ATP2C1: variants seen among roughly 807,000 people sequenced by gnomAD.
ATP2C1 encodes the protein calcium-transporting ATPase type 2C member 1.
ATP2C1 carries 31 observed loss-of-function variants against 120.5 expected under a neutral mutation model. The observed-to-expected ratio is 0.26, with a 90% CI of 0.19 to 0.35. The LOEUF (loss-of-function observed/expected upper bound fraction) is 0.35, where lower values mean the gene tolerates loss of function less well. Ranked by LOEUF, ATP2C1 falls within the 10% of genes least tolerant of loss-of-function variation. The pLI is 1.00. For synonymous variants in ATP2C1, 351 were observed against 358.7 expected (o/e 0.98, Z 0.24); for missense variants, 731 against 1,107.5 (o/e 0.66, Z 4.83).
chr3:130,974,566 A>G (rs918231015), intron 17 of ATP2C1, among the ~76,000 whole-genome samples: 4 of 152,204 alleles, frequency 2.6e-5, no homozygotes, highest in African/African-American at 4.8e-5. Flanking sequence ...GTGAACTGCT[A>G]TAGTCATTAC....
intron 24 of ATP2C1, 63 bp from the exon 25 acceptor site, chr3:130,997,543 G>T: frequency 6.7e-7 from 1 of 1,495,492 alleles, no homozygotes; most frequent in East Asian, 2.3e-5. Context: ...TAGTGAGGTT[G>T]TGAAAGTAAC....
intron 20 of ATP2C1, among the ~76,000 whole-genome samples, chr3:130,988,479 TG>T (rs1398002276): frequency 6.6e-6 from 1 of 152,196 alleles, no homozygotes; most frequent in East Asian, 1.9e-4. Context: ...AATACCCAAC[TG>T]TCACAACTGG....
intron 17 of ATP2C1, among the ~76,000 whole-genome samples, chr3:130,972,520 T>C (rs1246889537): frequency 6.6e-6 from 1 of 151,024 alleles, no homozygotes; most frequent in East Asian, 1.9e-4. Flanking sequence ...ATGTGCACAA[T>C]GTGCCGGTTA....
chr3:130,959,486 T>C, intron 12 of ATP2C1, 145 bp downstream of exon 12: 1 of 539,546 alleles, frequency 1.9e-6, no homozygotes, highest in Non-Finnish European at 3.4e-6. Flanking sequence ...AGAAGTCATA[T>C]ATTAAAATTA....
At chr3:130,857,231 A>G (rs2067870316) in intron 1 of ATP2C1, among the ~76,000 whole-genome samples, 1 of 152,258 alleles carries the variant, frequency 6.6e-6, no homozygotes, top group African/African-American at 2.4e-5. Flanking sequence ...GGTTTTTCAC[A>G]TTATCTACAA....
intron 12 of ATP2C1, 76 bp from the exon 13 acceptor site, chr3:130,963,895 A>G (rs1380456367): frequency 1.3e-6 from 2 of 1,585,270 alleles, no homozygotes; most frequent in African/African-American, 2.7e-5. Flanking sequence ...ATTAAGCTTT[A>G]AGTAACATCC....
chr3:130,965,489 T>G (rs1356664648), intron 14 of ATP2C1, among the ~76,000 whole-genome samples: 1 of 152,076 alleles, frequency 6.6e-6, no homozygotes, highest in Non-Finnish European at 1.5e-5. Flanking sequence ...CTCCATAAAT[T>G]AAGGTACTCC....
chr3:130,984,189 C>T (rs1429931124), intron 20 of ATP2C1, among the ~76,000 whole-genome samples: 1 of 152,122 alleles, frequency 6.6e-6, no homozygotes, highest in Non-Finnish European at 1.5e-5. Flanking sequence ...GAACTGGAAT[C>T]CAGGTCTGTA....
chr3:130,970,401 CACACA>C (rs2061251872), intron 17 of ATP2C1, among the ~76,000 whole-genome samples: 1 of 150,152 alleles, frequency 6.7e-6, no homozygotes, highest in Non-Finnish European at 1.5e-5. Flanking sequence ...CACACACACA[CACACA>C]CCCTTAAACT....
intron 8 of ATP2C1, among the ~76,000 whole-genome samples, chr3:130,949,267 C>A (rs1466613569): frequency 1.3e-5 from 2 of 152,058 alleles, no homozygotes; most frequent in East Asian, 3.8e-4. Context: ...AGTGAACACA[C>A]AAATGATAAG....
At chr3:130,863,515 A>G (rs138498885) in intron 1 of ATP2C1, among the ~76,000 whole-genome samples, 2 of 152,336 alleles carry the variant, frequency 1.3e-5, no homozygotes, top group Non-Finnish European at 2.9e-5. Flanking sequence ...CACTAAAGAA[A>G]GATAAAGTCT....
upstream of ATP2C1, among the ~76,000 whole-genome samples, chr3:130,892,446 C>G (rs1258150906): frequency 6.6e-6 from 1 of 151,522 alleles, no homozygotes; most frequent in African/African-American, 2.4e-5. Context: ...AGAGGTGGAT[C>G]ATAAATAGTA....
At chr3:130,958,954 G>A (rs2060697999) in intron 11 of ATP2C1, among the ~76,000 whole-genome samples, 1 of 151,966 alleles carries the variant, frequency 6.6e-6, no homozygotes, top group African/African-American at 2.4e-5. Context: ...TGAACATACT[G>A]GTAATTTTTA....
chr3:130,893,827 G>C (rs1379937922), upstream of ATP2C1: 1 of 652,202 alleles, frequency 1.5e-6, no homozygotes, highest in Middle Eastern at 7.5e-4. Flanking sequence ...GCGCCAGCAA[G>C]AACAAGGCGG....
chr3:130,941,344 G>A (rs2059911506), intron 7 of ATP2C1, among the ~76,000 whole-genome samples: 1 of 152,066 alleles, frequency 6.6e-6, no homozygotes, highest in Admixed American at 6.5e-5. Context: ...TGGGTATAGT[G>A]ATTCACAATC....
At chr3:130,851,273 A>T (rs2067666701) in intron 1 of ATP2C1, among the ~76,000 whole-genome samples, 1 of 152,256 alleles carries the variant, frequency 6.6e-6, no homozygotes, top group Non-Finnish European at 1.5e-5. Context: ...CAAAGAAAGT[A>T]TCAGACCCTA....
chr3:130,918,339 T>C, intron 2 of ATP2C1: 1 of 1,557,604 alleles, frequency 6.4e-7, no homozygotes, highest in Non-Finnish European at 8.8e-7. Context: ...AGTTGTTGAT[T>C]CAAGACTCTT....
chr3:130,962,715 T>TAAAAAAAAAAA (rs71133621), intron 12 of ATP2C1, among the ~76,000 whole-genome samples: 16 of 114,158 alleles, frequency 1.4e-4, no homozygotes, highest in African/African-American at 2.7e-4. Flanking sequence ...ATGGAAGCAT[T>TAAAAAAAAAAA]AAAAAAAAAA....
intron 17 of ATP2C1, among the ~76,000 whole-genome samples, chr3:130,969,937 A>G (rs2061222042): frequency 6.6e-6 from 1 of 152,202 alleles, no homozygotes; most frequent in African/African-American, 2.4e-5. Flanking sequence ...AGTTAGTGTA[A>G]TAAGAGTTCT....
Sources: allele counts gnomAD v4.1 joint callset (sites outside exome capture counted in the v4.1 genomes callset), GRCh38; gene constraint gnomAD v4.1.1; transcripts MANE v1.5; gene names NCBI Gene and HGNC (gene_info 2026-07-23, HGNC 2026-07-21).